ARHGAP10: variants seen among roughly 807,000 people sequenced by gnomAD.
ARHGAP10 encodes the protein rho GTPase-activating protein 10.
Under a neutral mutation model 108.6 loss-of-function variants are expected in ARHGAP10, and 87 were observed. The observed-to-expected ratio is 0.80, with a 90% CI of 0.67 to 0.96. The LOEUF (loss-of-function observed/expected upper bound fraction) is 0.96. Ranked by LOEUF, ARHGAP10 falls within the 40% of genes least tolerant of loss-of-function variation. The pLI is 0.00. For synonymous variants in ARHGAP10, 347 were observed against 341.1 expected (o/e 1.02, Z -0.19); for missense variants, 939 against 954.5 (o/e 0.98, Z 0.21).
intron 16 of ARHGAP10, among the ~76,000 whole-genome samples, chr4:147,959,106 CTT>C (rs2126988660): frequency 6.6e-6 from 1 of 151,892 alleles, no homozygotes; most frequent in East Asian, 1.9e-4. Flanking sequence ...TCTTCAAAAA[CTT>C]TTTTTGGAGT....
chr4:147,768,365 AG>A (rs564861064), intron 1 of ARHGAP10, among the ~76,000 whole-genome samples: 150 of 152,280 alleles, frequency 9.9e-4, no homozygotes, highest in African/African-American at 3.4e-3. Flanking sequence ...AGAACGTACT[AG>A]TGGTTTTTTG....
At chr4:147,783,969 A>G (rs1297123239) in intron 1 of ARHGAP10, among the ~76,000 whole-genome samples, 1 of 138,270 alleles carries the variant, frequency 7.2e-6, no homozygotes, top group Non-Finnish European at 1.5e-5. Flanking sequence ...TTATATTTAT[A>G]TAACACACAT....
intron 7 of ARHGAP10, among the ~76,000 whole-genome samples, chr4:147,868,415 T>C (rs981571122): frequency 1.3e-5 from 2 of 152,030 alleles, no homozygotes; most frequent in Non-Finnish European, 2.9e-5. Context: ...TTTTTTTCTT[T>C]TTGGTAGAGA....
rs753773443 is a variant in ARHGAP10, at chr4:147,982,546, C to CTTTTTT, written c.1716+15727_1716+15732dup. On this transcript the variant is annotated intron_variant, in intron 18 of 22. Transcript: ENST00000336498. ...CATGTGCCATCACACCCAGCTAAAT[C>CTTTTTT]TTTTTTTTTTTTTTTTTTTTTTTTT... is the stretch of plus-strand genomic sequence containing the variant. Among the ~76,000 whole-genome samples, 22 of 66,278 alleles carry CTTTTTT rather than the reference C, an allele frequency of 3.3e-4. 1 individual carries two copies. The highest frequency in any genetic ancestry group is 1.3e-3 in the African/African-American group (19 of 14,124). 43.5% of individuals were successfully genotyped at this position (66,278 alleles called of 152,430 possible). A position where few individuals can be genotyped will look rare whatever the true frequency, so the allele number is the denominator to read the frequency against.
intron 18 of ARHGAP10, among the ~76,000 whole-genome samples, chr4:148,003,431 C>G (rs915998833): frequency 2.6e-5 from 4 of 152,230 alleles, no homozygotes; most frequent in African/African-American, 9.6e-5. Context: ...TCTATTAGGT[C>G]CACTTGGTGC....
intron 18 of ARHGAP10, among the ~76,000 whole-genome samples, chr4:147,981,542 GGGTATTCT>G (rs1739805342): frequency 6.6e-6 from 1 of 152,164 alleles, no homozygotes. Flanking sequence ...TGTGGTTGTT[GGGTATTCT>G]GTAGATGCCT....
intron 18 of ARHGAP10, among the ~76,000 whole-genome samples, chr4:147,973,045 G>A (rs186599624): frequency 2.0e-4 from 31 of 152,198 alleles, no homozygotes; most frequent in South Asian, 8.3e-4. Flanking sequence ...ATGAGCCACC[G>A]TGACTGGCCT....
intron 1 of ARHGAP10, among the ~76,000 whole-genome samples, chr4:147,775,668 G>A (rs1423216256): frequency 2.0e-5 from 3 of 152,068 alleles, no homozygotes; most frequent in African/African-American, 7.2e-5. Context: ...TTGAATTCTG[G>A]CTCTGCCACT....
At chr4:148,046,301 C>T (rs1728879874) in intron 19 of ARHGAP10, among the ~76,000 whole-genome samples, 1 of 152,272 alleles carries the variant, frequency 6.6e-6, no homozygotes, top group Middle Eastern at 3.4e-3. Flanking sequence ...TTAAATTCAT[C>T]GTGTGGCATT....
At chr4:147,955,491 C>T (rs1396955462) in intron 16 of ARHGAP10, 117 bp downstream of exon 16, 4 of 872,026 alleles carry the variant, frequency 4.6e-6, no homozygotes, top group East Asian at 5.1e-5. Context: ...AAATAGAAAT[C>T]GCTTTAAATG....
Position 147,857,629 on chromosome 4 carries a change from AAAAG to A in ARHGAP10, c.467_470del (p.Lys156ThrfsTer11), listed in dbSNP as rs766738615. 7 of 1,496,046 alleles carry A rather than the reference AAAAG, an allele frequency of 4.7e-6. No individual in the cohort carries two copies. Among genetic ancestry groups the A allele is most frequent in the African/African-American group, 2.9e-5 (2 of 69,382 alleles). The allele number at this position is 1,496,046 out of a possible 1,614,324, so 92.7% of individuals were successfully genotyped here. ...GATAAACATTTGAATTTATCAGCAA[AAAAG>A]AAAGACTCACATTTACAAGAGGTAT... On this transcript the variant is annotated frameshift_variant, in exon 5 of 23. Transcript: ENST00000336498. LOFTEE classifies it high-confidence loss of function.
rs202037215 is a variant in ARHGAP10, at chr4:147,798,447, A to AT, written c.155-24279dup. Among the ~76,000 whole-genome samples the AT allele has an allele frequency of 7.0e-4, 106 of 152,252 alleles. 1 individual carries two copies. In the East Asian group the frequency reaches 0.02, roughly 29 times the overall value. ...TAATTTTGGCCAGGTGTGGTGGCTC[A>AT]TGCCTATAATCCCTGCACTTTGGGC... On this transcript the variant is annotated intron_variant, in intron 1 of 22. Coordinates refer to ENST00000336498, the MANE Select transcript of ARHGAP10 (RefSeq NM_024605.4).
chr4:147,862,792 C>A (rs1734381574), intron 5 of ARHGAP10: 1 of 152,126 alleles, frequency 6.6e-6, no homozygotes, highest in Non-Finnish European at 1.5e-5. Context: ...TCTTCAAGAG[C>A]CTTTGCAGTA....
chr4:148,015,583 A>T (rs560401842), intron 18 of ARHGAP10, among the ~76,000 whole-genome samples: 1 of 152,140 alleles, frequency 6.6e-6, no homozygotes, highest in Non-Finnish European at 1.5e-5. Flanking sequence ...TCTAGAAAAG[A>T]CCCTCATTTA....
In ARHGAP10 at chr4:147,873,887, A is replaced by G. The variant is rs1229113998; in HGVS notation, c.703-1134A>G. ...GAGACCCTGTCTTTAAAAAAAAAAA[A>G]AAGGGGGGATAAGAAAACCTGGAGA... On this transcript the variant is annotated intron_variant, in intron 7 of 22. Coordinates refer to ENST00000336498, the MANE Select transcript of ARHGAP10 (RefSeq NM_024605.4). Among the ~76,000 whole-genome samples the G allele has an allele frequency of 1.0e-3, 155 of 148,614 alleles. 1 individual carries two copies. The highest frequency in any genetic ancestry group is 2.8e-3 in the Admixed American group (41 of 14,832).
intron 3 of ARHGAP10, among the ~76,000 whole-genome samples, chr4:147,843,074 G>C (rs1385354047): frequency 1.3e-5 from 2 of 152,120 alleles, no homozygotes; most frequent in African/African-American, 2.4e-5. Context: ...GCAACTCTCA[G>C]CTTTTTGTCA....
intron 14 of ARHGAP10, chr4:147,946,166 A>G (rs4626180): frequency 0.02 from 3,078 of 153,902 alleles, 110 homozygotes; most frequent in African/African-American, 0.07. Flanking sequence ...ACTCTACCCT[A>G]CTTAGTTGGC....
chr4:147,944,277 C>T (rs1335903906), intron 14 of ARHGAP10, among the ~76,000 whole-genome samples: 1 of 152,120 alleles, frequency 6.6e-6, no homozygotes, highest in Non-Finnish European at 1.5e-5. Flanking sequence ...CTGACAAGCT[C>T]AGTAACAAAT....
At chr4:147,874,783 A>G (rs560123239) in intron 7 of ARHGAP10, among the ~76,000 whole-genome samples, 203 of 152,320 alleles carry the variant, frequency 1.3e-3, no homozygotes, top group Non-Finnish European at 1.1e-3. Flanking sequence ...AAGCCTCCAA[A>G]GTAACCTGTA....
Sources: allele counts gnomAD v4.1 joint callset (sites outside exome capture counted in the v4.1 genomes callset), GRCh38; gene constraint gnomAD v4.1.1; transcripts MANE v1.5; gene names NCBI Gene and HGNC (gene_info 2026-07-23, HGNC 2026-07-21).